The following GRM1 variants were observed in gnomAD, a reference collection of about 807,000 sequenced individuals.
The protein encoded by GRM1 is glutamate metabotropic receptor 1.
Under a neutral mutation model 90.9 loss-of-function variants are expected in GRM1, and 33 were observed. That is an observed-to-expected ratio of 0.36 (90% CI 0.28 to 0.49). The LOEUF is 0.49. Among genes scored for constraint, GRM1 ranks in the 20% least tolerant of loss-of-function variants. GRM1 has a pLI of 0.99. For synonymous variants in GRM1, 700 were observed against 613.2 expected, an observed-to-expected ratio of 1.14 and a Z score of -2.09; for missense variants, 1,190 against 1,534.3, an observed-to-expected ratio of 0.78 and a Z score of 3.75.
At position 146,379,787 on chromosome 6, in the gene GRM1, C is replaced by T. The variant is rs145186372; in HGVS notation, c.1603-7103C>T. Among the ~76,000 whole-genome samples, 446 of 152,198 alleles carry T rather than the reference C, an allele frequency of 2.9e-3. 4 individuals carry two copies. The highest frequency in any genetic ancestry group is 0.01 in the African/African-American group (431 of 41,538). ...TCCAAGCTGTATCTGCTTTAAGGGG[C>T]TCCCCAACCCTAGTAACACTGTGGT... On this transcript the variant is annotated intron_variant, in intron 5 of 7. Coordinates refer to ENST00000282753, the MANE Select transcript of GRM1 (RefSeq NM_001278064.2).
In GRM1 at chr6:146,434,340, C is replaced by G. The variant is rs200835963; in HGVS notation, c.3129C>G (p.Thr1043=). The change falls in exon 8 of 8, where the codon ACC becomes ACG. Residue 1043 remains threonine (T), a synonymous_variant. Transcript: ENST00000282753. ...QLQGVVSNFS[T]AIPDFHAVLA... is the part of the protein sequence containing the mutation. ...AGGGAGTGGTCAGCAACTTCAGTAC[C>G]GCGATCCCGGATTTTCACGCGGTGC... The G allele has an allele frequency of 6.2e-7, 1 of 1,612,292 alleles. No homozygotes were observed. Among genetic ancestry groups the G allele is most frequent in the African/African-American group, 1.3e-5 (1 of 74,908 alleles).
intron 6 of GRM1, among the ~76,000 whole-genome samples, chr6:146,396,199 G>A (rs929792608): frequency 4.0e-5 from 6 of 151,878 alleles, no homozygotes; most frequent in African/African-American, 1.5e-4. Flanking sequence ...ACTTTATATA[G>A]GAAGAATAAG....
At chr6:146,102,237 C>G (rs1004166602) in intron 1 of GRM1, among the ~76,000 whole-genome samples, 8 of 152,176 alleles carry the variant, frequency 5.3e-5, no homozygotes, top group South Asian at 2.1e-4. Flanking sequence ...TCTTCCTATC[C>G]TTGCTTATAT....
At chr6:146,157,102 G>A (rs1015352822) in intron 1 of GRM1, among the ~76,000 whole-genome samples, 4 of 152,214 alleles carry the variant, frequency 2.6e-5, no homozygotes, top group African/African-American at 9.7e-5. Context: ...CAGAGTGGGA[G>A]TACCTATGGT....
chr6:146,389,785 A>G (rs1428733390), intron 6 of GRM1, among the ~76,000 whole-genome samples: 4 of 152,100 alleles, frequency 2.6e-5, no homozygotes, highest in Non-Finnish European at 5.9e-5. Flanking sequence ...TCTTATCTTT[A>G]GGGTCTTTCA....
intron 2 of GRM1, among the ~76,000 whole-genome samples, chr6:146,170,107 G>A (rs990210088): frequency 6.6e-6 from 1 of 151,626 alleles, no homozygotes; most frequent in Non-Finnish European, 1.5e-5. Flanking sequence ...CTGTCTTTTG[G>A]CCTCTTTTGT....
chr6:146,206,990 T>A (rs1024344151), intron 2 of GRM1, among the ~76,000 whole-genome samples: 3 of 152,236 alleles, frequency 2.0e-5, no homozygotes, highest in African/African-American at 7.2e-5. Flanking sequence ...ATCTCATTCT[T>A]TCTAATGACT....
At chr6:146,308,125 T>C (rs896696927) in intron 3 of GRM1, among the ~76,000 whole-genome samples, 1 of 152,214 alleles carries the variant, frequency 6.6e-6, no homozygotes, top group Non-Finnish European at 1.5e-5. Flanking sequence ...TGCAATGGCA[T>C]AGTGCTTTTT....
At chr6:146,135,518 C>T (rs1297222573) in intron 1 of GRM1, among the ~76,000 whole-genome samples, 2 of 152,200 alleles carry the variant, frequency 1.3e-5, no homozygotes, top group Admixed American at 6.5e-5. Flanking sequence ...TCGGAGGTTA[C>T]TCAGTGTAAC....
At chr6:146,344,447 C>T (rs562412760) in intron 3 of GRM1, among the ~76,000 whole-genome samples, 3 of 152,098 alleles carry the variant, frequency 2.0e-5, no homozygotes, top group Non-Finnish European at 4.4e-5. Flanking sequence ...CTGATGTATC[C>T]AGATAGATTT....
intron 2 of GRM1, among the ~76,000 whole-genome samples, chr6:146,298,609 T>C (rs948867768): frequency 6.6e-6 from 1 of 152,186 alleles, no homozygotes; most frequent in Non-Finnish European, 1.5e-5. Context: ...GAACAAAATG[T>C]TAAGACTTTT....
chr6:146,159,154 A>G (rs1375579132), intron 1 of GRM1, among the ~76,000 whole-genome samples, 194 bp from the exon 2 acceptor site: 1 of 152,258 alleles, frequency 6.6e-6, no homozygotes, highest in Middle Eastern at 3.4e-3. Flanking sequence ...CGTTATTTCC[A>G]CAGAGTTGAT....
intron 1 of GRM1, among the ~76,000 whole-genome samples, chr6:146,042,602 C>T (rs1047166754): frequency 6.6e-6 from 1 of 151,854 alleles, no homozygotes; most frequent in East Asian, 1.9e-4. Flanking sequence ...CATTTGGTAG[C>T]CTTTATTTTC....
intron 2 of GRM1, among the ~76,000 whole-genome samples, chr6:146,240,374 G>A (rs147278836): frequency 7.2e-5 from 11 of 152,050 alleles, no homozygotes; most frequent in East Asian, 3.9e-4. Context: ...GGGAACCACC[G>A]AGAAACTGTG....
At chr6:146,406,694 C>G (rs565237421) in intron 7 of GRM1, among the ~76,000 whole-genome samples, 1 of 152,086 alleles carries the variant, frequency 6.6e-6, no homozygotes, top group East Asian at 1.9e-4. Flanking sequence ...ATTAGCCAGG[C>G]GTGGTGGCAT....
At chr6:146,312,275 A>T (rs985745344) in intron 3 of GRM1, among the ~76,000 whole-genome samples, 12 of 133,610 alleles carry the variant, frequency 9.0e-5, no homozygotes, top group African/African-American at 3.4e-4. Flanking sequence ...CAGGAGGCGG[A>T]GCTTGCAGTG....
At position 146,312,902 on chromosome 6, in the gene GRM1, G is replaced by A. The variant is rs140842947; in HGVS notation, c.1186+8056G>A. On this transcript the variant is annotated intron_variant, in intron 3 of 7. Transcript: ENST00000282753. ...GGTGGACTGGTTCCCACACAGACCA[G>A]GCATGTCTTAAAGAGCCTAGTTAAG... Among the ~76,000 whole-genome samples the A allele has an allele frequency of 2.9e-3, 438 of 152,252 alleles. 2 individuals are homozygous for A. Among genetic ancestry groups the A allele is most frequent in the African/African-American group, 9.6e-3 (398 of 41,528 alleles).
chr6:146,138,296 T>C (rs1260690349), intron 1 of GRM1, among the ~76,000 whole-genome samples: 3 of 152,178 alleles, frequency 2.0e-5, no homozygotes, highest in Non-Finnish European at 4.4e-5. Flanking sequence ...GTGTGTCAGT[T>C]GCATATCGTT....
intron 1 of GRM1, among the ~76,000 whole-genome samples, chr6:146,157,557 C>A (rs1275979770): frequency 6.6e-6 from 1 of 152,116 alleles, no homozygotes; most frequent in Non-Finnish European, 1.5e-5. Context: ...ACTATTGTTG[C>A]TATAAACAGG....
Sources: gnomAD v4.1 joint callset for allele counts (sites outside exome capture counted in the v4.1 genomes callset) on GRCh38, gnomAD v4.1.1 for gene constraint, MANE v1.5 for transcripts, NCBI Gene and HGNC (gene_info 2026-07-23, HGNC 2026-07-21) for gene names.